PTPRG: variants seen among roughly 807,000 people sequenced by gnomAD.
PTPRG encodes protein tyrosine phosphatase receptor type G, also known as receptor-type tyrosine-protein phosphatase gamma.
Under a neutral mutation model 165.3 loss-of-function variants are expected in PTPRG, and 102 were observed. That is an observed-to-expected ratio of 0.62 (90% CI 0.53 to 0.73). The LOEUF (loss-of-function observed/expected upper bound fraction) is 0.73. Ranked by LOEUF, PTPRG falls within the 30% of genes least tolerant of loss-of-function variation. The pLI, the probability that PTPRG is intolerant of heterozygous loss-of-function variation, is 0.00. For missense variants in PTPRG, 1,866 were observed against 1,861.4 expected (o/e 1.00, Z -0.05); for synonymous variants, 675 against 669.5 (o/e 1.01, Z -0.13).
At chr3:62,204,191 G>A (rs983687901) in intron 12 of PTPRG, among the ~76,000 whole-genome samples, 7 of 151,928 alleles carry the variant, frequency 4.6e-5, no homozygotes, top group African/African-American at 1.7e-4. Flanking sequence ...TTCTTGCCTC[G>A]GAATAACTCC....
chr3:61,825,940 C>T (rs1412195190), intron 2 of PTPRG, among the ~76,000 whole-genome samples: 1 of 152,148 alleles, frequency 6.6e-6, no homozygotes, highest in Non-Finnish European at 1.5e-5. Flanking sequence ...CGTGCGTGAG[C>T]CACCACTCCC....
intron 2 of PTPRG, among the ~76,000 whole-genome samples, chr3:61,869,126 A>G (rs1352643920): frequency 2.0e-5 from 3 of 152,188 alleles, no homozygotes; most frequent in Non-Finnish European, 2.9e-5. Flanking sequence ...CAGCTTTACC[A>G]TCAGTTGCAT....
chr3:61,982,328 C>T (rs1189734704), intron 2 of PTPRG, among the ~76,000 whole-genome samples: 1 of 152,132 alleles, frequency 6.6e-6, no homozygotes, highest in Admixed American at 6.6e-5. Context: ...AAAGCTGGTA[C>T]AACTTTAAGT....
intron 1 of PTPRG, among the ~76,000 whole-genome samples, chr3:61,567,657 C>G (rs185483570): frequency 1.7e-5 from 2 of 114,554 alleles, no homozygotes; most frequent in African/African-American, 6.7e-5. Context: ...CACAGTGAGA[C>G]CCTGTCTCAA....
At chr3:61,625,106 C>T (rs1029375733) in intron 1 of PTPRG, among the ~76,000 whole-genome samples, 1 of 151,670 alleles carries the variant, frequency 6.6e-6, no homozygotes, top group African/African-American at 2.4e-5. Context: ...CAGCCATATT[C>T]GATTAGGGTC....
chr3:62,282,597 T>A, intron 27 of PTPRG, 130 bp from the exon 28 acceptor site: 1 of 820,834 alleles, frequency 1.2e-6, no homozygotes, highest in Non-Finnish European at 1.8e-6. Context: ...TTTCCAGCTG[T>A]GGTTTGGTTA....
intron 2 of PTPRG, among the ~76,000 whole-genome samples, chr3:61,805,675 T>G (rs963444556): frequency 6.6e-6 from 1 of 152,272 alleles, no homozygotes; most frequent in East Asian, 1.9e-4. Context: ...CGTCACTGAT[T>G]CAGCTCTCAG....
intron 1 of PTPRG, among the ~76,000 whole-genome samples, chr3:61,688,077 T>TATGTCA (rs1703695779): frequency 6.6e-6 from 1 of 152,224 alleles, no homozygotes; most frequent in South Asian, 2.1e-4. Context: ...TGAGTGTGGC[T>TATGTCA]GACATCACTT....
At chr3:61,934,478 T>C (rs1361118848) in intron 2 of PTPRG, among the ~76,000 whole-genome samples, 1 of 152,080 alleles carries the variant, frequency 6.6e-6, no homozygotes, top group South Asian at 2.1e-4. Context: ...TTTGTTCTCA[T>C]CTAGTAGTCT....
intron 9 of PTPRG, among the ~76,000 whole-genome samples, chr3:62,193,518 AAC>A (rs1248699691): frequency 6.6e-6 from 1 of 152,234 alleles, no homozygotes; most frequent in Admixed American, 6.5e-5. Flanking sequence ...GCTATTCTCT[AAC>A]TCATCATGGT....
At position 61,610,512 on chromosome 3, in the gene PTPRG, G is replaced by A. The variant is rs1405440474; in HGVS notation, c.85+48140G>A. Among the ~76,000 whole-genome samples, 3 of 152,278 alleles carry A rather than the reference G, an allele frequency of 2.0e-5. No homozygotes were observed. In the East Asian group the frequency reaches 5.8e-4, roughly 29 times the overall value. The stretch of plus-strand genomic sequence containing the variant: ...TGCTGGGCTATAGCCAGCAGTCTTC[G>A]TAGCAGATGGATAAAGAGATTATAT... On this transcript the variant is annotated intron_variant, in intron 1 of 29. Coordinates refer to ENST00000474889, the MANE Select transcript of PTPRG (RefSeq NM_002841.4).
chr3:61,664,775 G>C (rs1353079386), intron 1 of PTPRG, among the ~76,000 whole-genome samples: 2 of 152,178 alleles, frequency 1.3e-5, no homozygotes, highest in African/African-American at 4.8e-5. Flanking sequence ...AGGTTGCGGT[G>C]AGCCGAGATC....
At chr3:62,262,598 G>A (rs1266371520) in intron 16 of PTPRG, 200 bp from the exon 17 acceptor site, 3 of 429,316 alleles carry the variant, frequency 7.0e-6, no homozygotes, top group Non-Finnish European at 1.2e-5. Flanking sequence ...TGATGAAATA[G>A]TAAATAATGA....
intron 2 of PTPRG, among the ~76,000 whole-genome samples, chr3:61,962,007 T>C (rs804413): frequency 0.97 from 147,828 of 152,246 alleles, 71,773 homozygotes; most frequent in East Asian, 1. Flanking sequence ...TGAGTTAAAT[T>C]GCCTCCCTGG....
intron 2 of PTPRG, among the ~76,000 whole-genome samples, chr3:61,930,146 G>A (rs2039323248): frequency 6.6e-6 from 1 of 151,810 alleles, no homozygotes; most frequent in South Asian, 2.1e-4. Context: ...TAAAGATGGA[G>A]CTACCTACAC....
At chr3:61,927,207 T>C (rs967938924) in intron 2 of PTPRG, among the ~76,000 whole-genome samples, 4 of 152,180 alleles carry the variant, frequency 2.6e-5, no homozygotes, top group African/African-American at 9.7e-5. Context: ...AACTTTTTTT[T>C]CCTCCCAGCT....
chr3:62,206,781 C>T (rs922640985), intron 12 of PTPRG, among the ~76,000 whole-genome samples: 1 of 151,718 alleles, frequency 6.6e-6, no homozygotes, highest in Non-Finnish European at 1.5e-5. Context: ...AAAAATACAA[C>T]AATTAGCAGG....
At chr3:61,602,151 C>CTT (rs11391531) in intron 1 of PTPRG, among the ~76,000 whole-genome samples, 5 of 148,110 alleles carry the variant, frequency 3.4e-5, no homozygotes, top group Admixed American at 1.4e-4. Flanking sequence ...GCCTTCCTAG[C>CTT]TTTTTTTTTT....
chr3:61,646,220 C>T (rs1702198065), intron 1 of PTPRG, among the ~76,000 whole-genome samples: 1 of 152,202 alleles, frequency 6.6e-6, no homozygotes, highest in South Asian at 2.1e-4. Context: ...ATCCTCCCAC[C>T]TCAGCCTCCA....
Sources: gnomAD v4.1 joint callset for allele counts (sites outside exome capture counted in the v4.1 genomes callset) on GRCh38, gnomAD v4.1.1 for gene constraint, MANE v1.5 for transcripts, NCBI Gene and HGNC (gene_info 2026-07-23, HGNC 2026-07-21) for gene names.